The following MYO1E variants were observed in gnomAD, a reference collection of about 807,000 sequenced individuals.
MYO1E encodes unconventional myosin-Ie.
A neutral mutation model predicts 151.1 loss-of-function variants in MYO1E; 68 were observed. That is an observed-to-expected ratio of 0.45 (90% CI 0.37 to 0.55). The LOEUF (loss-of-function observed/expected upper bound fraction) is 0.55. MYO1E is among the 20% of genes least tolerant of loss of function. The pLI, the probability that MYO1E is intolerant of heterozygous loss-of-function variation, is 0.00. For missense variants in MYO1E, 1,363 were observed against 1,389.3 expected (o/e 0.98, Z 0.30); for synonymous variants, 601 against 501.7 (o/e 1.20, Z -2.64).
At chr15:59,251,826 G>A (rs1473007806) in intron 4 of MYO1E, among the ~76,000 whole-genome samples, 1 of 152,152 alleles carries the variant, frequency 6.6e-6, no homozygotes, top group Non-Finnish European at 1.5e-5. Context: ...CCCAACTGTA[G>A]GTCAGGTTGA....
chr15:59,339,409 C>T (rs1239245435), intron 1 of MYO1E, among the ~76,000 whole-genome samples: 3 of 152,172 alleles, frequency 2.0e-5, no homozygotes, highest in East Asian at 1.9e-4. Context: ...GGTTATTTGA[C>T]GTACAAAACC....
intron 6 of MYO1E, among the ~76,000 whole-genome samples, chr15:59,228,263 C>T (rs993308935): frequency 2.6e-5 from 4 of 152,094 alleles, no homozygotes. Context: ...AGGTGGATCA[C>T]TGGAGGTCAG....
chr15:59,315,992 G>A (rs1842095835), intron 1 of MYO1E, among the ~76,000 whole-genome samples: 1 of 152,138 alleles, frequency 6.6e-6, no homozygotes, highest in Admixed American at 6.6e-5. Context: ...CTTTTGCACT[G>A]AGGCACCCGT....
chr15:59,305,875 A>C (rs2080511861), intron 1 of MYO1E, among the ~76,000 whole-genome samples: 1 of 152,192 alleles, frequency 6.6e-6, no homozygotes, highest in South Asian at 2.1e-4. Flanking sequence ...GGTCTTGATC[A>C]GAGCTTCACT....
rs144170956 is a variant in MYO1E, at chr15:59,186,284, T to A, written c.1904+1834A>T. Among the ~76,000 whole-genome samples, 1,460 of 152,010 alleles carry A rather than the reference T, an allele frequency of 9.6e-3. 33 individuals are homozygous for A. Among genetic ancestry groups the A allele is most frequent in the African/African-American group, 0.031 (1,293 of 41,410 alleles). ...TTTTTTAAAACCTCTAAATGGTGAGTCGGCTGTCCTAATCTCATAGCAGAA... is the reference window on the plus strand; with the variant it reads ...TTTTTTAAAACCTCTAAATGGTGAGACGGCTGTCCTAATCTCATAGCAGAA... On this transcript the variant is annotated intron_variant, in intron 18 of 27. Coordinates refer to ENST00000288235, the MANE Select transcript of MYO1E (RefSeq NM_004998.4).
intron 26 of MYO1E, among the ~76,000 whole-genome samples, chr15:59,148,544 A>G (rs1259680203): frequency 6.6e-6 from 1 of 152,198 alleles, no homozygotes; most frequent in African/African-American, 2.4e-5. Context: ...GAATCTATAA[A>G]CATTACTGGA....
In MYO1E at chr15:59,153,010, C is replaced by T. The variant is rs933160841; in HGVS notation, c.3080+580G>A. Among the ~76,000 whole-genome samples, 3 of 151,886 alleles carry T rather than the reference C, an allele frequency of 2.0e-5. No individual in the cohort carries two copies. In the East Asian group the frequency reaches 5.8e-4, roughly 29 times the overall value. ...ACTCCACAGGACATGTCTTAACCCC[C>T]TTTTAAAACTGATAGCTCTTTTAAT... On this transcript the variant is annotated intron_variant, in intron 26 of 27. Coordinates refer to ENST00000288235, the MANE Select transcript of MYO1E (RefSeq NM_004998.4).
chr15:59,322,447 A>C (rs554963636), intron 1 of MYO1E, among the ~76,000 whole-genome samples: 2 of 152,228 alleles, frequency 1.3e-5, no homozygotes, highest in African/African-American at 2.4e-5. Flanking sequence ...GAAAAGTAAA[A>C]TTAAAGGTAA....
At chr15:59,217,512 G>A (rs892484063) in intron 10 of MYO1E, among the ~76,000 whole-genome samples, 5 of 55,564 alleles carry the variant, frequency 9.0e-5, no homozygotes, top group East Asian at 1.5e-3. Flanking sequence ...ACCCTCAGTC[G>A]TTTTACCTTT....
intron 4 of MYO1E, among the ~76,000 whole-genome samples, chr15:59,237,896 T>C (rs1299651562): frequency 3.3e-5 from 5 of 152,202 alleles, no homozygotes; most frequent in Admixed American, 1.3e-4. Flanking sequence ...CTCAGAACTT[T>C]GCTGAATTTC....
intron 22 of MYO1E, 66 bp downstream of exon 22, chr15:59,171,831 T>G: frequency 6.2e-7 from 1 of 1,607,812 alleles, no homozygotes; most frequent in South Asian, 1.1e-5. Context: ...CCTGGCTGTT[T>G]GGAACAGCGG....
At chr15:59,153,011 T>C (rs2140306606) in intron 26 of MYO1E, among the ~76,000 whole-genome samples, 1 of 152,322 alleles carries the variant, frequency 6.6e-6, no homozygotes, top group East Asian at 1.9e-4. Context: ...CTTAACCCCC[T>C]TTTAAAACTG....
At chr15:59,341,922 T>C (rs1200959203) in intron 1 of MYO1E, among the ~76,000 whole-genome samples, 1 of 152,224 alleles carries the variant, frequency 6.6e-6, no homozygotes, top group African/African-American at 2.4e-5. Context: ...TAGCTCTGTT[T>C]TTAGTTTTTA....
intron 4 of MYO1E, among the ~76,000 whole-genome samples, chr15:59,248,470 G>A (rs1325254758): frequency 7.0e-6 from 1 of 142,004 alleles, no homozygotes; most frequent in Non-Finnish European, 1.5e-5. Context: ...CTGAACGACA[G>A]GGTGAGACTC....
intron 26 of MYO1E, among the ~76,000 whole-genome samples, chr15:59,151,502 A>G (rs988488868): frequency 1.3e-5 from 2 of 152,238 alleles, no homozygotes; most frequent in African/African-American, 4.8e-5. Flanking sequence ...GAAGTGAGAT[A>G]AGACTTGCCA....
chr15:59,171,711 C>T (rs1196961513), intron 22 of MYO1E, among the ~76,000 whole-genome samples, 186 bp downstream of exon 22: 1 of 152,178 alleles, frequency 6.6e-6, no homozygotes, highest in East Asian at 1.9e-4. Context: ...TACCTTCTTC[C>T]TGACATATCA....
intron 1 of MYO1E, among the ~76,000 whole-genome samples, chr15:59,291,054 C>T (rs1387499000): frequency 2.0e-5 from 3 of 152,188 alleles, no homozygotes; most frequent in African/African-American, 7.2e-5. Flanking sequence ...CAGAAGTCAA[C>T]ATCACCACCT....
At chr15:59,186,112 C>T (rs2079695738) in intron 18 of MYO1E, among the ~76,000 whole-genome samples, 1 of 152,204 alleles carries the variant, frequency 6.6e-6, no homozygotes, top group Non-Finnish European at 1.5e-5. Context: ...CATAGTCCTG[C>T]TTACACTATA....
intron 1 of MYO1E, among the ~76,000 whole-genome samples, chr15:59,302,440 G>A (rs559391892): frequency 6.6e-6 from 1 of 152,296 alleles, no homozygotes; most frequent in South Asian, 2.1e-4. Context: ...CCTTAGCTGG[G>A]TGACCACTGC....
Sources: allele counts gnomAD v4.1 joint callset (sites outside exome capture counted in the v4.1 genomes callset), GRCh38; gene constraint gnomAD v4.1.1; transcripts MANE v1.5; gene names NCBI Gene and HGNC (gene_info 2026-07-23, HGNC 2026-07-21).